Variants in CNTLN observed in about 807,000 individuals in gnomAD.
The protein encoded by CNTLN is centlein, centrosomal protein.
CNTLN carries 212 observed loss-of-function variants against 180.0 expected under a neutral mutation model. The ratio of observed to expected loss-of-function variants is 1.18; its 90% CI spans 1.05 to 1.32. CNTLN has a LOEUF of 1.32. Ranked by LOEUF, CNTLN falls within the 40% of genes most tolerant of loss-of-function variation. The pLI is 0.00. For synonymous variants in CNTLN, 722 were observed against 563.1 expected, an observed-to-expected ratio of 1.28 and a Z score of -3.99; for missense variants, 2,095 against 1,610.9, an observed-to-expected ratio of 1.30 and a Z score of -5.14.
At chr9:17,451,698 G>A (rs1391126373) in intron 18 of CNTLN, among the ~76,000 whole-genome samples, 1 of 152,114 alleles carries the variant, frequency 6.6e-6, no homozygotes, top group Non-Finnish European at 1.5e-5. Context: ...TCCTCCATGG[G>A]CCTCCAAGAA....
intron 5 of CNTLN, among the ~76,000 whole-genome samples, chr9:17,272,039 TTTCC>T (rs932405844): frequency 1.1e-4 from 15 of 141,140 alleles, no homozygotes; most frequent in African/African-American, 2.2e-4. Context: ...TCCTTCCTTT[TTTCC>T]TTCCTTCCTT....
chr9:17,139,750 G>A (rs978855862), intron 1 of CNTLN, among the ~76,000 whole-genome samples: 1 of 151,960 alleles, frequency 6.6e-6, no homozygotes, highest in Non-Finnish European at 1.5e-5. Flanking sequence ...TGTCACCCAC[G>A]CTGGAGTACA....
intron 6 of CNTLN, among the ~76,000 whole-genome samples, chr9:17,295,981 AGAGAGAGAGAGAGAGAGTGTGTGTGTGT>A (rs1817880269): frequency 1.0e-5 from 1 of 96,608 alleles, no homozygotes; most frequent in African/African-American, 5.3e-5. Flanking sequence ...AGAGAGAGAG[AGAGAGAGAGAGAGAGAGTGTGTGTGTGT>A]GTGTGTGTGT....
At chr9:17,268,502 G>A (rs932816170) in intron 5 of CNTLN, among the ~76,000 whole-genome samples, 4 of 152,186 alleles carry the variant, frequency 2.6e-5, no homozygotes, top group Non-Finnish European at 5.9e-5. Context: ...CCCTCTTGAG[G>A]AGGCAGTCTG....
rs1179484773 is a variant in CNTLN at position 17,449,540 on chromosome 9, A to G, written c.3115-7984A>G. On this transcript the variant is annotated intron_variant, in intron 18 of 25. Coordinates refer to ENST00000380647, the MANE Select transcript of CNTLN (RefSeq NM_017738.4). ...GAGAGAGCTTTTCTTCTCGTAACTTAAACAGAAGATTTGAAATAACAACAA... is the reference window on the plus strand; with the variant it reads ...GAGAGAGCTTTTCTTCTCGTAACTTGAACAGAAGATTTGAAATAACAACAA... Among the ~76,000 whole-genome samples the G allele has an allele frequency of 2.0e-5, 3 of 152,170 alleles. No homozygotes were observed. The South Asian group carries it at 6.2e-4, about 31-fold the overall frequency.
chr9:17,295,779 A>T (rs188335479), intron 6 of CNTLN, among the ~76,000 whole-genome samples: 1 of 151,884 alleles, frequency 6.6e-6, no homozygotes, highest in African/African-American at 2.4e-5. Flanking sequence ...CATCACTTGT[A>T]CTTTCCCGAG....
chr9:17,490,581 G>A (rs938138459), intron 25 of CNTLN, among the ~76,000 whole-genome samples: 1 of 151,978 alleles, frequency 6.6e-6, no homozygotes, highest in Non-Finnish European at 1.5e-5. Flanking sequence ...AGAGGCTGGG[G>A]GGATATAGAG....
At chr9:17,279,800 G>C (rs2002071) in intron 6 of CNTLN, among the ~76,000 whole-genome samples, 4,935 of 85,754 alleles carry the variant, frequency 0.058, 250 homozygotes, top group African/African-American at 0.23. Context: ...CAAAGTTCAT[G>C]TTGAAATTTA....
At chr9:17,226,855 T>C in intron 3 of CNTLN, among the ~76,000 whole-genome samples, 1 of 151,850 alleles carries the variant, frequency 6.6e-6, no homozygotes. Flanking sequence ...CTTCATATGG[T>C]TATAGCAGGA....
intron 15 of CNTLN, among the ~76,000 whole-genome samples, chr9:17,401,373 G>A (rs1587893498): frequency 6.6e-6 from 1 of 151,492 alleles, no homozygotes; most frequent in Admixed American, 6.6e-5. Context: ...AATCCATATA[G>A]AGATTTTTTT....
At chr9:17,330,859 C>G in intron 9 of CNTLN, 51 bp downstream of exon 9, 16 of 1,504,984 alleles carry the variant, frequency 1.1e-5, no homozygotes, top group Non-Finnish European at 1.4e-5. Flanking sequence ...GCTGGAAAGA[C>G]AAGAGATGAA....
At position 17,295,043 on chromosome 9, in the gene CNTLN, G is replaced by A. The variant is rs78437632; in HGVS notation, c.984-3147G>A. Among the ~76,000 whole-genome samples, 2,779 of 151,882 alleles carry A rather than the reference G, an allele frequency of 0.018. 164 individuals are homozygous for A. In the East Asian group the frequency reaches 0.24, roughly 13 times the overall value. On this transcript the variant is annotated intron_variant, in intron 6 of 25. Coordinates refer to ENST00000380647, the MANE Select transcript of CNTLN (RefSeq NM_017738.4). Reference sequence around the variant, plus strand: ...CGCCGGTGGGCCAACACTGCTGGGGGACCTGGTGCACTGTCCGCGGCTGCT... The same window carrying A: ...CGCCGGTGGGCCAACACTGCTGGGGAACCTGGTGCACTGTCCGCGGCTGCT...
chr9:17,206,320 T>C (rs1046896818), intron 2 of CNTLN, among the ~76,000 whole-genome samples: 1 of 152,152 alleles, frequency 6.6e-6, no homozygotes, highest in Non-Finnish European at 1.5e-5. Context: ...AAGCTACATG[T>C]AGAAAAAGAT....
intron 15 of CNTLN, among the ~76,000 whole-genome samples, chr9:17,401,018 T>C (rs775278880): frequency 6.6e-6 from 1 of 152,238 alleles, no homozygotes; most frequent in African/African-American, 2.4e-5. Flanking sequence ...TACATTTCAT[T>C]TGATCCTCAT....
At chr9:17,527,587 G>A in the CNTLN span, among the ~76,000 whole-genome samples, 96 of 152,270 alleles carry the variant, frequency 6.3e-4, no homozygotes, top group Non-Finnish European at 1.2e-3. Context: ...AGATAAGCAA[G>A]GGGAGGAGAG....
intron 15 of CNTLN, among the ~76,000 whole-genome samples, chr9:17,404,467 G>A (rs984430208): frequency 6.6e-6 from 1 of 151,632 alleles, no homozygotes. Context: ...AGAGGTAGAC[G>A]CTGAGATTGT....
chr9:17,395,017 A>C lies in CNTLN; in HGVS notation c.2563A>C (p.Asn855His). 6.2e-7 allele frequency: 1 copy of C among 1,613,232 alleles called. No individual in the cohort carries two copies. Among genetic ancestry groups the C allele is most frequent in the Non-Finnish European group, 8.5e-7 (1 of 1,179,364 alleles). Residue 855 changes from asparagine (N) to histidine (H), a missense_variant, in exon 15 of 26, where the codon AAT becomes CAT. Transcript: ENST00000380647. ...CAATCATTCCATCAAGGTTATGAGC[A>C]ATGTGTTTGAGAACCTCAGCAAGGA... ...VLNHSIKVMS[N>H]VFENLSKDGW...
intron 1 of CNTLN, 41 bp downstream of exon 1, chr9:17,135,466 G>C: frequency 6.4e-7 from 1 of 1,559,496 alleles, no homozygotes; most frequent in South Asian, 1.2e-5. Flanking sequence ...CCACCACAGC[G>C]GGGCCGGGAC....
chr9:17,352,390 A>G (rs902744390), intron 12 of CNTLN, among the ~76,000 whole-genome samples: 1 of 35,000 alleles, frequency 2.9e-5, no homozygotes, highest in African/African-American at 7.3e-5. Flanking sequence ...TCAAGCTAGA[A>G]TATATATATA....
Sources: allele counts gnomAD v4.1 joint callset (sites outside exome capture counted in the v4.1 genomes callset), GRCh38; gene constraint gnomAD v4.1.1; transcripts MANE v1.5; gene names NCBI Gene and HGNC (gene_info 2026-07-23, HGNC 2026-07-21).